MOB3B: variants seen among roughly 807,000 people sequenced by gnomAD.
MOB3B encodes MOB kinase activator-like 2B.
In MOB3B, 7 loss-of-function variants were observed where a neutral mutation model predicts 18.7. The ratio of observed to expected loss-of-function variants is 0.37; its 90% CI spans 0.21 to 0.70. The LOEUF is 0.70. Among genes scored for constraint, MOB3B ranks in the 30% least tolerant of loss-of-function variants. The pLI is 0.52. For synonymous variants in MOB3B, 111 were observed against 99.9 expected (o/e 1.11, Z -0.66); for missense variants, 253 against 281.3 (o/e 0.90, Z 0.72).
intron 1 of MOB3B, among the ~76,000 whole-genome samples, chr9:27,483,779 G>A (rs78724555): frequency 0.024 from 3,593 of 152,298 alleles, 101 homozygotes; most frequent in African/African-American, 0.058. Context: ...CTGGTCCCAT[G>A]TACAGCAGGA....
Position 27,354,955 on chromosome 9 carries a change from C to T in MOB3B, c.621+4079G>A, listed in dbSNP as rs902717587. On this transcript the variant is annotated intron_variant, in intron 3 of 3. Coordinates refer to ENST00000262244, the MANE Select transcript of MOB3B (RefSeq NM_024761.5). Reference sequence around the variant, plus strand: ...AGCTAACATTTCTTAAGCACTTCCACGTGACTAACCCATTTAATTTTTATA... The same window carrying T: ...AGCTAACATTTCTTAAGCACTTCCATGTGACTAACCCATTTAATTTTTATA... Among the ~76,000 whole-genome samples the T allele has an allele frequency of 3.9e-5, 6 of 152,190 alleles. No individual in the cohort carries two copies. The South Asian group carries it at 8.3e-4, about 21-fold the overall frequency.
chr9:27,514,183 T>C (rs1429222714), intron 1 of MOB3B, among the ~76,000 whole-genome samples: 1 of 152,110 alleles, frequency 6.6e-6, no homozygotes, highest in Admixed American at 6.5e-5. Flanking sequence ...AATACTCAAT[T>C]ATGCAAAATT....
intron 1 of MOB3B, among the ~76,000 whole-genome samples, chr9:27,507,420 G>A (rs1820076514): frequency 6.6e-6 from 1 of 152,126 alleles, no homozygotes; most frequent in African/African-American, 2.4e-5. Flanking sequence ...ATCTCTTACG[G>A]TACTTTGCAT....
chr9:27,508,908 ACTC>A (rs1328453132), intron 1 of MOB3B, among the ~76,000 whole-genome samples: 3 of 151,986 alleles, frequency 2.0e-5, no homozygotes, highest in Non-Finnish European at 4.4e-5. Context: ...TCCTTCCACT[ACTC>A]CTGGGAAAGC....
At chr9:27,470,042 G>A (rs1339997179) in intron 1 of MOB3B, among the ~76,000 whole-genome samples, 2 of 145,468 alleles carry the variant, frequency 1.4e-5, no homozygotes, top group East Asian at 2.1e-4. Flanking sequence ...CTAGGAGTTC[G>A]AGGCCACAAT....
chr9:27,404,379 CAG>C (rs1821935796), intron 2 of MOB3B, among the ~76,000 whole-genome samples: 1 of 79,868 alleles, frequency 1.3e-5, no homozygotes, highest in Non-Finnish European at 2.2e-5. Context: ...TTTTTTGAGA[CAG>C]AGTCTCGTTC....
At chr9:27,481,405 C>A (rs942382696) in intron 1 of MOB3B, among the ~76,000 whole-genome samples, 1 of 151,924 alleles carries the variant, frequency 6.6e-6, no homozygotes, top group African/African-American at 2.4e-5. Context: ...ACCCAAATAA[C>A]CACAACTGAT....
intron 3 of MOB3B, among the ~76,000 whole-genome samples, chr9:27,348,274 C>T (rs1752716924): frequency 1.3e-5 from 2 of 151,236 alleles, no homozygotes; most frequent in African/African-American, 2.4e-5. Flanking sequence ...AAAAACATCA[C>T]CAGTTTAAAA....
At chr9:27,336,108 C>G (rs1197367050) in intron 3 of MOB3B, among the ~76,000 whole-genome samples, 2 of 152,182 alleles carry the variant, frequency 1.3e-5, no homozygotes, top group Admixed American at 1.3e-4. Context: ...TCTCACAACT[C>G]TATGAACTAG....
Position 27,529,730 on chromosome 9 carries a change from C to T in MOB3B, c.-374G>A, listed in dbSNP as rs1587284153. On this transcript the variant is annotated 5_prime_UTR_variant, in exon 1 of 4. Coordinates refer to ENST00000262244, the MANE Select transcript of MOB3B (RefSeq NM_024761.5). ...GCGAGCCAACCGGCGGACGGGCGAGCGCCTGGCTCCAGCTGCAGCCGCCGT... is the reference window on the plus strand; with the variant it reads ...GCGAGCCAACCGGCGGACGGGCGAGTGCCTGGCTCCAGCTGCAGCCGCCGT... 9 of 985,432 alleles carry T rather than the reference C, an allele frequency of 9.1e-6. No homozygotes were observed. Among genetic ancestry groups the T allele is most frequent in the Non-Finnish European group, 1.1e-5 (9 of 829,938 alleles). 61.0% of individuals were successfully genotyped at this position (985,432 alleles called of 1,614,324 possible).
intron 2 of MOB3B, chr9:27,397,403 A>G (rs1246392146): frequency 6.6e-6 from 1 of 152,214 alleles, no homozygotes; most frequent in Non-Finnish European, 1.5e-5. Flanking sequence ...AATACATAGA[A>G]AACAACTCTC....
chr9:27,468,994 A>C (rs1697475851), intron 1 of MOB3B, among the ~76,000 whole-genome samples: 1 of 152,256 alleles, frequency 6.6e-6, no homozygotes. Context: ...ATGTTTAAAA[A>C]GTCATGGTAG....
At chr9:27,480,300 C>CT (rs1167259149) in intron 1 of MOB3B, among the ~76,000 whole-genome samples, 2,926 of 123,358 alleles carry the variant, frequency 0.024, 78 homozygotes, top group East Asian at 0.12. Context: ...CCATGCCCAG[C>CT]TATTTTTTTT....
chr9:27,340,904 G>A lies in MOB3B; in HGVS notation c.622-10288C>T, dbSNP rs185477355. Among the ~76,000 whole-genome samples, 27 of 152,360 alleles carry A rather than the reference G, an allele frequency of 1.8e-4. No individual in the cohort carries two copies. The East Asian group carries it at 2.7e-3, about 15-fold the overall frequency. On this transcript the variant is annotated intron_variant, in intron 3 of 3. Coordinates refer to ENST00000262244, the MANE Select transcript of MOB3B (RefSeq NM_024761.5). ...CTTCTCATACCCAGCATTTGTCAGC[G>A]CAGCTGGATTGGTTTCTGGCAGATG...
At chr9:27,438,770 G>A (rs1002762876) in intron 2 of MOB3B, among the ~76,000 whole-genome samples, 1 of 152,108 alleles carries the variant, frequency 6.6e-6, no homozygotes, top group African/African-American at 2.4e-5. Context: ...GACTGATAAG[G>A]GCAGCCAGAT....
At chr9:27,382,409 G>A (rs1821591035) in intron 2 of MOB3B, among the ~76,000 whole-genome samples, 1 of 152,004 alleles carries the variant, frequency 6.6e-6, no homozygotes, top group African/African-American at 2.4e-5. Flanking sequence ...AGTTATTCCT[G>A]GTGCCCTGAC....
At chr9:27,398,190 T>A (rs1349369152) in intron 2 of MOB3B, among the ~76,000 whole-genome samples, 1 of 152,158 alleles carries the variant, frequency 6.6e-6, no homozygotes, top group Non-Finnish European at 1.5e-5. Flanking sequence ...AGAAACAGAA[T>A]CCAATGTCAC....
chr9:27,380,850 A>G (rs1821568356), intron 2 of MOB3B, among the ~76,000 whole-genome samples: 1 of 152,198 alleles, frequency 6.6e-6, no homozygotes, highest in South Asian at 2.1e-4. Flanking sequence ...GACAGCCTAA[A>G]TGGCATCAAC....
chr9:27,520,328 G>A (rs778416409), intron 1 of MOB3B, among the ~76,000 whole-genome samples: 8 of 152,172 alleles, frequency 5.3e-5, no homozygotes, highest in Non-Finnish European at 1.0e-4. Flanking sequence ...AGGAAAGCCT[G>A]AACATGTATA....
Sources: gnomAD v4.1 joint callset for allele counts (sites outside exome capture counted in the v4.1 genomes callset) on GRCh38, gnomAD v4.1.1 for gene constraint, MANE v1.5 for transcripts, NCBI Gene and HGNC (gene_info 2026-07-23, HGNC 2026-07-21) for gene names.